The following OTOG variants were observed in gnomAD, a reference collection of about 807,000 sequenced individuals.
The protein encoded by OTOG is otogelin.
In OTOG, 296 loss-of-function variants were observed where a neutral mutation model predicts 313.8. The ratio of observed to expected loss-of-function variants is 0.94; its 90% CI spans 0.86 to 1.04. The LOEUF (loss-of-function observed/expected upper bound fraction) is 1.04. Ranked by LOEUF, OTOG falls within the 50% of genes least tolerant of loss-of-function variation. The pLI is 0.00. For missense variants in OTOG, 3,948 were observed against 3,840.1 expected (o/e 1.03, Z -0.74); for synonymous variants, 1,533 against 1,554.9 (o/e 0.99, Z 0.33).
chr11:17,559,390 G>T, intron 11 of OTOG, 144 bp from the exon 12 acceptor site: 1 of 1,162,580 alleles, frequency 8.6e-7, no homozygotes, highest in Non-Finnish European at 1.2e-6. Flanking sequence ...CAATTTCCTG[G>T]GCACCCAATG....
At chr11:17,560,678 T>G in intron 12 of OTOG, 31 bp from the exon 13 acceptor site, 43 of 1,476,888 alleles carry the variant, frequency 2.9e-5, no homozygotes, top group Non-Finnish European at 3.7e-5. Flanking sequence ...GGGGCAAAGG[T>G]GAGTTAATTG....
chr11:17,558,283 C>A lies in OTOG; in HGVS notation c.964C>A (p.Pro322Thr). Residue 322 changes from proline to threonine, a missense_variant, in exon 9 of 56, where the codon CCG becomes ACG. Coordinates refer to ENST00000399397, the MANE Select transcript of OTOG (RefSeq NM_001292063.2). ...CACAACTTCCTCCCTGCCTCGCCCACCGTGCCTACAGCAGAACCCAGGAAC... is the reference window on the plus strand; with the variant it reads ...CACAACTTCCTCCCTGCCTCGCCCAACGTGCCTACAGCAGAACCCAGGAAC... ...GPTTSSLPRP[P>T]CLQQNPGTMQ... The A allele has an allele frequency of 6.4e-7, 1 of 1,550,888 alleles. No homozygotes were observed. The highest frequency in any genetic ancestry group is 8.7e-7 in the Non-Finnish European group (1 of 1,147,062).
In OTOG at chr11:17,576,881, G is replaced by A. The variant is rs769598798; in HGVS notation, c.2575G>A (p.Gly859Arg). ...PSLGHCHCKDGVMSCDSRAPA... is the reference protein window; with the variant it reads ...PSLGHCHCKDRVMSCDSRAPA... Reference sequence around the variant, plus strand: ...CTCTCTCTGCAGCCACTGCAAAGATGGAGTCATGAGCTGTGATAGCAGAGC... The same window carrying A: ...CTCTCTCTGCAGCCACTGCAAAGATAGAGTCATGAGCTGTGATAGCAGAGC... The change falls in exon 22 of 56, where the codon GGA becomes AGA. Residue 859 changes from glycine (G) to arginine (R), a missense_variant. Physicochemically the swap from Gly to Arg is moderately radical, Grantham distance 125. Transcript: ENST00000399397. 3.9e-6 allele frequency: 6 copies of A among 1,550,500 alleles called. No homozygotes were observed. In the South Asian group the frequency reaches 7.1e-5, roughly 18 times the overall value.
In OTOG at chr11:17,553,443, A is replaced by G. The variant is rs997567428; in HGVS notation, c.464A>G (p.Tyr155Cys). ...QHHVETFDGL[Y>C]YYLSGKGSYT... is the part of the protein sequence containing the mutation. ...CACGTGGAGACATTTGATGGGCTCT[A>G]CTACTACCTCTCCGGAAAGGGCAGC... The change falls in exon 6 of 56, where the codon TAC becomes TGC. Residue 155 changes from tyrosine to cysteine, a missense_variant. Transcript: ENST00000399397. 3.4e-6 allele frequency: 5 copies of G among 1,472,728 alleles called. No individual in the cohort carries two copies. The highest frequency in any genetic ancestry group is 3.6e-6 in the Non-Finnish European group (4 of 1,110,464). 91.2% of individuals were successfully genotyped at this position (1,472,728 alleles called of 1,614,324 possible).
Position 17,561,152 on chromosome 11 carries a change from C to G in OTOG, c.1498+15C>G, listed in dbSNP as rs1004924099. ...TGTCTGCCCAGGTATGTCTGCCCCC[C>G]ACCTTGCACTAGGATCCCTTCTACC... On this transcript the variant is annotated intron_variant, in intron 14 of 55. Coordinates refer to ENST00000399397, the MANE Select transcript of OTOG (RefSeq NM_001292063.2). 1.9e-6 allele frequency: 3 copies of G among 1,550,378 alleles called. No homozygotes were observed. Among genetic ancestry groups the G allele is most frequent in the African/African-American group, 2.7e-5 (2 of 73,050 alleles).
intron 15 of OTOG, among the ~76,000 whole-genome samples, chr11:17,568,495 C>T (rs979262798): frequency 6.6e-6 from 1 of 152,216 alleles, no homozygotes; most frequent in African/African-American, 2.4e-5. Flanking sequence ...TTTGTAATTA[C>T]TTATTTAATG....
intron 3 of OTOG, among the ~76,000 whole-genome samples, 154 bp downstream of exon 3, chr11:17,548,366 G>T (rs1379268651): frequency 2.1e-5 from 3 of 144,250 alleles, no homozygotes; most frequent in African/African-American, 7.6e-5. Context: ...AGGTGTGCAA[G>T]TTCATAAAAC....
chr11:17,642,921 C>T (rs1387519358), intron 53 of OTOG, among the ~76,000 whole-genome samples: 1 of 152,180 alleles, frequency 6.6e-6, no homozygotes, highest in African/African-American at 2.4e-5. Flanking sequence ...CAAAATCACA[C>T]ACACATACTG....
chr11:17,610,736 G>C lies in OTOG; in HGVS notation c.5436G>C (p.Lys1812Asn). 1 of 1,550,052 alleles carries C rather than the reference G, an allele frequency of 6.5e-7. No homozygotes were observed. Among genetic ancestry groups the C allele is most frequent in the Non-Finnish European group, 8.7e-7 (1 of 1,146,994 alleles). The change falls in exon 36 of 56, where the codon AAG becomes AAC. Residue 1812 changes from lysine (K) to asparagine (N), a missense_variant. Coordinates refer to ENST00000399397, the MANE Select transcript of OTOG (RefSeq NM_001292063.2). ...CCGACACCAGCCTGCCCCTGGCCAA[G>C]GTGGGCACATCTGCCCCAGTGGCCA... is the stretch of plus-strand genomic sequence containing the variant. Reference protein sequence around the residue: ...LPPDTSLPLAKVGTSAPVATP... With the variant: ...LPPDTSLPLANVGTSAPVATP...
At chr11:17,552,862 G>A (rs577322198) in intron 4 of OTOG, among the ~76,000 whole-genome samples, 12 of 152,362 alleles carry the variant, frequency 7.9e-5, no homozygotes, top group Middle Eastern at 6.8e-3. Context: ...TCTAGCAACT[G>A]AAGGCCCAGG....
chr11:17,612,021 T>C (rs1276665674), intron 36 of OTOG, 141 bp from the exon 37 acceptor site: 2 of 1,005,818 alleles, frequency 2.0e-6, no homozygotes, highest in Non-Finnish European at 2.9e-6. Context: ...TTGTGGTGGG[T>C]AGGGGGTGAG....
chr11:17,611,226 C>T lies in OTOG; in HGVS notation c.5926C>T (p.Gln1976Ter), dbSNP rs993890947. ...LSRVSARTAP[Q>*]DSMLVLLPQL... ...CCGTGTCTCAGCCAGGACGGCCCCCCAAGACAGCATGCTGGTTCTGTTGCC... is the reference window on the plus strand; with the variant it reads ...CCGTGTCTCAGCCAGGACGGCCCCCTAAGACAGCATGCTGGTTCTGTTGCC... The change falls in exon 36 of 56, where the codon CAA becomes TAA. Residue 1976 changes from glutamine (Q) to a stop codon, truncating the protein, a stop_gained. Coordinates refer to ENST00000399397, the MANE Select transcript of OTOG (RefSeq NM_001292063.2). LOFTEE classifies it high-confidence loss of function. The T allele has an allele frequency of 4.5e-6, 7 of 1,550,432 alleles. No homozygotes were observed. Among genetic ancestry groups the T allele is most frequent in the Non-Finnish European group, 5.2e-6 (6 of 1,146,992 alleles).
rs921808427 is a variant in OTOG, at chr11:17,561,226, C to A, written c.1498+89C>A. The stretch of plus-strand genomic sequence containing the variant: ...GAATCTCTGGGGGCCAGGCTTGCTG[C>A]GGGTGGGGATGTCACTCAGTTCCAT... On this transcript the variant is annotated intron_variant, in intron 14 of 55. Transcript: ENST00000399397. 1.2e-4 allele frequency: 178 copies of A among 1,434,710 alleles called. 2 individuals carry two copies. Among genetic ancestry groups the A allele is most frequent in the South Asian group, 1.1e-3 (86 of 80,994 alleles). The allele number at this position is 1,434,710 out of a possible 1,614,324, so 88.9% of individuals were successfully genotyped here. A position where few individuals can be genotyped will look rare whatever the true frequency, so the allele number is the denominator to read the frequency against.
chr11:17,630,365 G>C (rs960799308), intron 40 of OTOG, among the ~76,000 whole-genome samples: 28 of 152,122 alleles, frequency 1.8e-4, no homozygotes, highest in African/African-American at 6.5e-4. Flanking sequence ...AGCCTGGTGA[G>C]CCAACCCCTC....
intron 47 of OTOG, 143 bp downstream of exon 47, chr11:17,635,854 G>A: frequency 1.4e-6 from 1 of 692,612 alleles, no homozygotes; most frequent in Non-Finnish European, 2.5e-6. Flanking sequence ...GCTGAATCCA[G>A]GACGAGTGCA....
chr11:17,621,707 T>C (rs1853868723), intron 39 of OTOG, among the ~76,000 whole-genome samples: 1 of 152,198 alleles, frequency 6.6e-6, no homozygotes, highest in South Asian at 2.1e-4. Flanking sequence ...CTACCTGGGT[T>C]CCTGCTCCCT....
At chr11:17,635,320 C>T in intron 46 of OTOG, 133 bp downstream of exon 46, 1 of 717,516 alleles carries the variant, frequency 1.4e-6, no homozygotes, top group Non-Finnish European at 2.3e-6. Flanking sequence ...GAAGGACAAG[C>T]TCACTGTCCA....
chr11:17,613,710 A>G lies in OTOG; in HGVS notation c.6528+9A>G, dbSNP rs889946125. ...ATCGCTTCAACCGAAAGGTGAGTGC[A>G]TCAAACAGCCAGCCTCCAGGGCAGG... is the stretch of plus-strand genomic sequence containing the variant. On this transcript the variant is annotated intron_variant, in intron 39 of 55. Transcript: ENST00000399397. The G allele has an allele frequency of 1.9e-6, 3 of 1,549,782 alleles. No homozygotes were observed. Among genetic ancestry groups the G allele is most frequent in the Non-Finnish European group, 1.7e-6 (2 of 1,146,286 alleles).
chr11:17,573,586 T>C (rs1334207260), intron 19 of OTOG, among the ~76,000 whole-genome samples: 1 of 152,136 alleles, frequency 6.6e-6, no homozygotes, highest in Non-Finnish European at 1.5e-5. Context: ...TCTTACCACC[T>C]CCGCCACCCT....
Sources: gnomAD v4.1 joint callset for allele counts (sites outside exome capture counted in the v4.1 genomes callset) on GRCh38, gnomAD v4.1.1 for gene constraint, MANE v1.5 for transcripts, NCBI Gene and HGNC (gene_info 2026-07-23, HGNC 2026-07-21) for gene names.